Variants in TERB2 observed in about 807,000 individuals in gnomAD.
TERB2 encodes telomere repeat binding bouquet formation protein 2, also known as telomere repeats-binding bouquet formation protein 2.
Under a neutral mutation model 29.8 loss-of-function variants are expected in TERB2, and 26 were observed. The ratio of observed to expected loss-of-function variants is 0.87; its 90% CI spans 0.64 to 1.21. The LOEUF (loss-of-function observed/expected upper bound fraction) is 1.21, where lower values mean the gene tolerates loss of function less well. Ranked by LOEUF, TERB2 falls within the 50% of genes most tolerant of loss-of-function variation. The probability of loss-of-function intolerance (pLI) is 0.00; values close to 1 mark genes in which losing one functional copy is unlikely to be tolerated. For synonymous variants in TERB2, 80 were observed against 90.8 expected, an observed-to-expected ratio of 0.88 and a Z score of 0.68; for missense variants, 240 against 268.6, an observed-to-expected ratio of 0.89 and a Z score of 0.74.
At chr15:44,977,925 G>GT (rs986664866) in intron 6 of TERB2, among the ~76,000 whole-genome samples, 8 of 151,874 alleles carry the variant, frequency 5.3e-5, no homozygotes, top group East Asian at 1.9e-4. Flanking sequence ...TCTAGGCAGT[G>GT]TTTTTTTTAT....
chr15:44,963,801 A>ATTTTTTTT (rs1358739221), intron 4 of TERB2, among the ~76,000 whole-genome samples: 11 of 128,224 alleles, frequency 8.6e-5, no homozygotes, highest in Non-Finnish European at 1.3e-4. Context: ...TTATTATACT[A>ATTTTTTTT]TTCTTTTTTT....
intron 5 of TERB2, among the ~76,000 whole-genome samples, chr15:44,971,826 C>G (rs1050597773): frequency 6.7e-6 from 1 of 149,534 alleles, no homozygotes; most frequent in Non-Finnish European, 1.5e-5. Flanking sequence ...CCTTTTCATC[C>G]CCCCCCCTCC....
rs1595473723 is a variant in TERB2, at chr15:44,956,925, C to T, written c.94C>T (p.Arg32Ter). The T allele has an allele frequency of 1.9e-6, 3 of 1,614,010 alleles. No homozygotes were observed. The highest frequency in any genetic ancestry group is 2.5e-6 in the Non-Finnish European group (3 of 1,180,000). Residue 32 changes from arginine (R) to a stop codon, truncating the protein, a stop_gained, in exon 2 of 7, where the codon CGA becomes TGA. Transcript: ENST00000340827. LOFTEE classifies it high-confidence loss of function. ...VAEGGTISDP[R>*]AADFLFSCDA... ...TGAAGGGGGAACGATCAGTGACCCG[C>T]GAGCCGCCGACTTCTTGTTCAGCTG... is the stretch of plus-strand genomic sequence containing the variant.
chr15:44,963,484 G>A lies in TERB2; in HGVS notation c.348+1900G>A, dbSNP rs188970272. On this transcript the variant is annotated intron_variant, in intron 4 of 6. Coordinates refer to ENST00000340827, the MANE Select transcript of TERB2 (RefSeq NM_152448.3). The stretch of plus-strand genomic sequence containing the variant: ...TCATAAAATACAAAAAAAGCAATAG[G>A]AGCATAGTAGATTAAGAGACATAAA... 1.1e-3 allele frequency among the ~76,000 whole-genome samples: 165 copies of A among 152,038 alleles called. 1 individual carries two copies. The highest frequency in any genetic ancestry group is 9.6e-3 in the East Asian group (50 of 5,188).
intron 2 of TERB2, among the ~76,000 whole-genome samples, chr15:44,957,515 C>T (rs2141237586): frequency 6.6e-6 from 1 of 152,152 alleles, no homozygotes; most frequent in East Asian, 1.9e-4. Flanking sequence ...ATACCTGCGC[C>T]AGGGCCTGTG....
intron 4 of TERB2, among the ~76,000 whole-genome samples, chr15:44,965,264 G>A (rs1319055270): frequency 6.8e-6 from 1 of 146,844 alleles, no homozygotes; most frequent in South Asian, 2.1e-4. Context: ...TATCTAAGTT[G>A]CTTTCACAGA....
intron 4 of TERB2, among the ~76,000 whole-genome samples, chr15:44,964,962 A>C (rs1173691753): frequency 6.6e-6 from 1 of 151,772 alleles, no homozygotes; most frequent in African/African-American, 2.4e-5. Context: ...GGGAGTTCAA[A>C]ACCAACCTGG....
At chr15:44,977,053 G>A (rs1364562880) in intron 6 of TERB2, among the ~76,000 whole-genome samples, 1 of 150,880 alleles carries the variant, frequency 6.6e-6, no homozygotes, top group South Asian at 2.1e-4. Flanking sequence ...AGGTGTGATA[G>A]TGCCACTGCA....
chr15:44,956,755 G>A lies in TERB2; in HGVS notation c.37G>A (p.Val13Ile), dbSNP rs369672721. Residue 13 changes from valine (V) to isoleucine (I), a missense_variant, in exon 1 of 7, where the codon GTT (valine) becomes ATT (isoleucine). Transcript: ENST00000340827. ...GCAGCGCGGTTGGTTTTGCGGCAGC[G>A]TTAGCCAGGATCTGAGGCAATTCTG... ...QGQRGWFCGS[V>I]SQDLRQFWVA... is the part of the protein sequence containing the mutation. 1.1e-4 allele frequency: 180 copies of A among 1,613,464 alleles called. No homozygotes were observed. Among genetic ancestry groups the A allele is most frequent in the East Asian group, 2.7e-4 (12 of 44,886 alleles).
At chr15:44,962,138 G>A (rs1742693715) in intron 4 of TERB2, among the ~76,000 whole-genome samples, 1 of 151,038 alleles carries the variant, frequency 6.6e-6, no homozygotes, top group South Asian at 2.1e-4. Context: ...ATTTGCTTCT[G>A]TTACTAATAA....
At chr15:44,966,901 C>A (rs982052367) in intron 5 of TERB2, among the ~76,000 whole-genome samples, 1 of 152,048 alleles carries the variant, frequency 6.6e-6, no homozygotes, top group African/African-American at 2.4e-5. Context: ...GAATTTGAGA[C>A]CAGTCTGGGC....
intron 6 of TERB2, among the ~76,000 whole-genome samples, chr15:44,978,288 G>T (rs1433869989): frequency 6.6e-6 from 1 of 152,198 alleles, no homozygotes; most frequent in East Asian, 1.9e-4. Flanking sequence ...GTGGCAGAAA[G>T]TTGTGGGAGG....
At chr15:44,969,567 T>C (rs1384826435) in intron 5 of TERB2, among the ~76,000 whole-genome samples, 1 of 151,248 alleles carries the variant, frequency 6.6e-6, no homozygotes, top group Non-Finnish European at 1.5e-5. Context: ...GCCATGAGGA[T>C]AGCTTGAGGC....
intron 6 of TERB2, among the ~76,000 whole-genome samples, chr15:44,976,557 G>A (rs559537645): frequency 7.9e-5 from 12 of 152,284 alleles, no homozygotes; most frequent in South Asian, 2.1e-4. Context: ...ACTCTCAGAA[G>A]TGACATTGCA....
chr15:44,970,202 G>C (rs1325160795), intron 5 of TERB2: 1 of 162,730 alleles, frequency 6.1e-6, no homozygotes, highest in East Asian at 1.7e-4. Context: ...AAGAGTGTGT[G>C]CCCTCATTAG....
chr15:44,962,466 G>A (rs1447935142), intron 4 of TERB2, among the ~76,000 whole-genome samples: 1 of 152,020 alleles, frequency 6.6e-6, no homozygotes, highest in African/African-American at 2.4e-5. Context: ...TGGGATTACA[G>A]GCGTGAGCCA....
chr15:44,972,000 T>G (rs1365731386), intron 5 of TERB2, among the ~76,000 whole-genome samples: 1 of 145,260 alleles, frequency 6.9e-6, no homozygotes, highest in East Asian at 2.0e-4. Flanking sequence ...TTTTTTTTTT[T>G]TTTTTTGAGA....
intron 1 of TERB2, 40 bp from the exon 2 acceptor site, chr15:44,956,856 G>A (rs1322288975): frequency 6.2e-7 from 1 of 1,612,132 alleles, no homozygotes; most frequent in Non-Finnish European, 8.5e-7. Flanking sequence ...TTTGGGTCCA[G>A]GGTGCTTGAT....
Position 44,961,191 on chromosome 15 carries a change from GATATAT to G in TERB2, c.287-312_287-307del, listed in dbSNP as rs34640759. Among the ~76,000 whole-genome samples the G allele has an allele frequency of 6.5e-4, 89 of 136,410 alleles. 1 individual carries two copies. Among genetic ancestry groups the G allele is most frequent in the Admixed American group, 9.7e-4 (13 of 13,434 alleles). 89.5% of individuals were successfully genotyped at this position (136,410 alleles called of 152,430 possible). On this transcript the variant is annotated intron_variant, in intron 3 of 6. Coordinates refer to ENST00000340827, the MANE Select transcript of TERB2 (RefSeq NM_152448.3). ...GAAGAGTGGATGAACATACCTCAATGATATATATATATATATATATATATACACACA... is the reference window on the plus strand; with the variant it reads ...GAAGAGTGGATGAACATACCTCAATGATATATATATATATATATACACACA...
Sources: allele counts gnomAD v4.1 joint callset (sites outside exome capture counted in the v4.1 genomes callset), GRCh38; gene constraint gnomAD v4.1.1; transcripts MANE v1.5; gene names NCBI Gene and HGNC (gene_info 2026-07-23, HGNC 2026-07-21).